The following INPP4B variants were observed in gnomAD, a reference collection of about 807,000 sequenced individuals.
INPP4B encodes inositol polyphosphate-4-phosphatase type II B, also known as inositol polyphosphate 4-phosphatase type II.
In INPP4B, 55 loss-of-function variants were observed where a neutral mutation model predicts 122.5. The ratio of observed to expected loss-of-function variants is 0.45; its 90% CI spans 0.36 to 0.56. The LOEUF is 0.56. INPP4B is among the 20% of genes least tolerant of loss of function. The probability of loss-of-function intolerance (pLI) is 0.00; values close to 1 mark genes in which losing one functional copy is unlikely to be tolerated. For synonymous variants in INPP4B, 403 were observed against 388.7 expected (o/e 1.04, Z -0.43); for missense variants, 1,000 against 1,097.7 (o/e 0.91, Z 1.26).
At chr4:142,498,790 A>C (rs1822990414) in intron 2 of INPP4B, among the ~76,000 whole-genome samples, 1 of 152,200 alleles carries the variant, frequency 6.6e-6, no homozygotes, top group Non-Finnish European at 1.5e-5. Flanking sequence ...TCCTGTCTCA[A>C]AAGAAAATAA....
chr4:142,171,347 A>G (rs957434023), intron 16 of INPP4B, among the ~76,000 whole-genome samples: 1 of 151,874 alleles, frequency 6.6e-6, no homozygotes, highest in Non-Finnish European at 1.5e-5. Flanking sequence ...CTAAGAAAAC[A>G]ACACTAGGTA....
intron 7 of INPP4B, among the ~76,000 whole-genome samples, chr4:142,358,580 A>T (rs771346362): frequency 4.0e-5 from 6 of 150,086 alleles, no homozygotes; most frequent in Non-Finnish European, 1.5e-5. Flanking sequence ...AAAAACTGCT[A>T]CGCCTAGGCT....
At position 142,298,652 on chromosome 4, in the gene INPP4B, C is replaced by G. The variant is rs867574391; in HGVS notation, c.503+6806G>C. On this transcript the variant is annotated intron_variant, in intron 9 of 25. Transcript: ENST00000262992. ...TGAGCAGACATTGCACCATTGAACT[C>G]CAGCCTTGGTGACAGAGCAAGACTC... Among the ~76,000 whole-genome samples the G allele has an allele frequency of 3.7e-5, 5 of 134,414 alleles. No homozygotes were observed. The South Asian group carries it at 1.2e-3, about 33-fold the overall frequency. The allele number at this position is 134,414 out of a possible 152,430, so 88.2% of individuals were successfully genotyped here.
At chr4:142,128,616 G>T (rs141389901) in intron 18 of INPP4B, among the ~76,000 whole-genome samples, 1 of 152,182 alleles carries the variant, frequency 6.6e-6, no homozygotes, top group African/African-American at 2.4e-5. Context: ...ATCTTTCCTC[G>T]GGAAAACATA....
chr4:142,813,701 A>G (rs911464892), intron 1 of INPP4B, among the ~76,000 whole-genome samples: 4 of 152,176 alleles, frequency 2.6e-5, no homozygotes, highest in Non-Finnish European at 5.9e-5. Flanking sequence ...AGTGCAACCA[A>G]CAAAATACAT....
At position 142,826,962 on chromosome 4, in the gene INPP4B, C is replaced by T. The variant is rs79411707; in HGVS notation, c.-254+19247G>A. The stretch of plus-strand genomic sequence containing the variant: ...TGTCCACAGGCCTATTGGTGCCTTT[C>T]GGTAGCCCCTATTATGCCAAAGTCA... On this transcript the variant is annotated intron_variant, in intron 1 of 25. Coordinates refer to ENST00000262992, the MANE Select transcript of INPP4B (RefSeq NM_001101669.3). Among the ~76,000 whole-genome samples, 404 of 152,282 alleles carry T rather than the reference C, an allele frequency of 2.7e-3. 2 individuals carry two copies. Among genetic ancestry groups the T allele is most frequent in the East Asian group, 0.018 (93 of 5,176 alleles).
intron 1 of INPP4B, among the ~76,000 whole-genome samples, chr4:142,728,258 G>A (rs1373031): frequency 0.67 from 102,487 of 151,994 alleles, 34,762 homozygotes; most frequent in East Asian, 0.83. Context: ...TTCAGACTCA[G>A]AACCTTACAC....
chr4:142,109,960 A>T (rs539185015), intron 22 of INPP4B, among the ~76,000 whole-genome samples: 2 of 152,244 alleles, frequency 1.3e-5, no homozygotes, highest in South Asian at 2.1e-4. Flanking sequence ...ACAGACCCCA[A>T]AAATCTAGAG....
At chr4:142,389,743 A>C (rs1797098031) in intron 7 of INPP4B, among the ~76,000 whole-genome samples, 1 of 152,216 alleles carries the variant, frequency 6.6e-6, no homozygotes, top group African/African-American at 2.4e-5. Context: ...ACCAAGATTA[A>C]AATTTGCTAA....
chr4:142,074,976 C>A (rs1035073902), intron 25 of INPP4B, among the ~76,000 whole-genome samples: 44 of 151,966 alleles, frequency 2.9e-4, no homozygotes, highest in African/African-American at 9.9e-4. Context: ...CACAGTGATT[C>A]TTTTTATCCT....
chr4:142,179,409 G>T (rs1425318399), intron 15 of INPP4B, among the ~76,000 whole-genome samples: 2 of 140,440 alleles, frequency 1.4e-5, no homozygotes, highest in Non-Finnish European at 3.0e-5. Context: ...GGAGGTGGAG[G>T]TTGCAGTGAG....
intron 7 of INPP4B, among the ~76,000 whole-genome samples, chr4:142,334,768 C>T (rs181275951): frequency 2.1e-4 from 32 of 152,170 alleles, no homozygotes; most frequent in South Asian, 6.2e-4. Context: ...AATGTCTGTT[C>T]GGGTCCTTTG....
At chr4:142,281,999 T>C (rs1751423388) in intron 9 of INPP4B, among the ~76,000 whole-genome samples, 1 of 152,074 alleles carries the variant, frequency 6.6e-6, no homozygotes, top group Non-Finnish European at 1.5e-5. Flanking sequence ...CCATGCACAA[T>C]AATGTAACAG....
At chr4:142,298,354 G>A (rs1330119618) in intron 9 of INPP4B, among the ~76,000 whole-genome samples, 1 of 152,030 alleles carries the variant, frequency 6.6e-6, no homozygotes, top group Non-Finnish European at 1.5e-5. Context: ...CCAAGAAGAA[G>A]CTGAAGGGCC....
chr4:142,250,133 T>G (rs900043522), intron 11 of INPP4B, among the ~76,000 whole-genome samples: 1 of 152,216 alleles, frequency 6.6e-6, no homozygotes, highest in African/African-American at 2.4e-5. Flanking sequence ...TATATATCTT[T>G]CTTATGGAAT....
chr4:142,402,330 T>C (rs980048534), intron 7 of INPP4B, among the ~76,000 whole-genome samples: 1 of 152,214 alleles, frequency 6.6e-6, no homozygotes, highest in Admixed American at 6.5e-5. Flanking sequence ...GTGTCCTCTA[T>C]AGTGCCTAAC....
rs200657873 is a variant in INPP4B, at chr4:142,215,892, CAAAAAAAAAAAAAAAAAAAA to C, written c.837-6886_837-6867del. ...TGGGCAACAGACCAAGACTCTGTCTCAAAAAAAAAAAAAAAAAAAAAAAAAAAAAAAAAAAAAAAAAGAAG... is the reference window on the plus strand; with the variant it reads ...TGGGCAACAGACCAAGACTCTGTCTCAAAAAAAAAAAAAAAAAAAAAGAAG... On this transcript the variant is annotated intron_variant, in intron 12 of 25. Transcript: ENST00000262992. Among the ~76,000 whole-genome samples, 110 of 54,578 alleles carry C rather than the reference CAAAAAAAAAAAAAAAAAAAA, an allele frequency of 2.0e-3. 1 individual carries two copies. Among genetic ancestry groups the C allele is most frequent in the East Asian group, 8.8e-3 (9 of 1,026 alleles). 35.8% of individuals were successfully genotyped at this position (54,578 alleles called of 152,430 possible).
chr4:142,450,199 A>G (rs1813835104), intron 3 of INPP4B, among the ~76,000 whole-genome samples: 1 of 152,180 alleles, frequency 6.6e-6, no homozygotes, highest in South Asian at 2.1e-4. Flanking sequence ...AGCCCCTGGC[A>G]AGGACAGACC....
chr4:142,546,148 T>C (rs1449931060), intron 2 of INPP4B, among the ~76,000 whole-genome samples: 1 of 152,070 alleles, frequency 6.6e-6, no homozygotes, highest in Non-Finnish European at 1.5e-5. Flanking sequence ...CTGTGTGTTC[T>C]CATCATTTAG....
Sources: allele counts gnomAD v4.1 joint callset (sites outside exome capture counted in the v4.1 genomes callset), GRCh38; gene constraint gnomAD v4.1.1; transcripts MANE v1.5; gene names NCBI Gene and HGNC (gene_info 2026-07-23, HGNC 2026-07-21).